The following NIPBL variants were observed in gnomAD, a reference collection of about 807,000 sequenced individuals.
The protein encoded by NIPBL is NIPBL cohesin loading factor.
NIPBL carries 19 observed loss-of-function variants against 321.8 expected under a neutral mutation model. The observed-to-expected ratio is 0.06, with a 90% CI of 0.04 to 0.09. The LOEUF (loss-of-function observed/expected upper bound fraction) is 0.09. NIPBL is among the 10% of genes least tolerant of loss of function. The pLI is 1.00. For missense variants in NIPBL, 2,210 were observed against 3,327.0 expected, an observed-to-expected ratio of 0.66 and a Z score of 8.26; for synonymous variants, 1,106 against 1,114.1, an observed-to-expected ratio of 0.99 and a Z score of 0.14.
chr5:37,020,336 T>C (rs1333959076), intron 25 of NIPBL, 123 bp from the exon 26 acceptor site: 1 of 717,438 alleles, frequency 1.4e-6, no homozygotes. Flanking sequence ...TTTTATCACA[T>C]GGAAGTTGTT....
At chr5:36,995,833 T>C in intron 11 of NIPBL, 29 bp downstream of exon 11, 4 of 1,582,470 alleles carry the variant, frequency 2.5e-6, no homozygotes, top group Non-Finnish European at 2.6e-6. Flanking sequence ...TTTGTTATTA[T>C]TTTAGAGTTT....
intron 10 of NIPBL, among the ~76,000 whole-genome samples, chr5:36,991,687 TTA>T (rs1481868660): frequency 3.3e-5 from 5 of 151,954 alleles, no homozygotes; most frequent in African/African-American, 1.2e-4. Flanking sequence ...TGCTTCTGTG[TTA>T]TATGGGTAGG....
At chr5:36,968,533 A>G (rs1742495807) in intron 6 of NIPBL, among the ~76,000 whole-genome samples, 1 of 152,036 alleles carries the variant, frequency 6.6e-6, no homozygotes, top group Non-Finnish European at 1.5e-5. Flanking sequence ...CGCCTGGGCA[A>G]CTGAGCAAGA....
At position 36,876,838 on chromosome 5, in the gene NIPBL, C is replaced by G. The variant is rs1490595830; in HGVS notation, c.-420C>G. ...CAGGGCTCCTTCCCCCCGCCCTCCC[C>G]CCCCTCCCTCCGTCGGTACCGACTC... is the stretch of plus-strand genomic sequence containing the variant. On this transcript the variant is annotated 5_prime_UTR_variant, in exon 1 of 47. Coordinates refer to ENST00000282516, the MANE Select transcript of NIPBL (RefSeq NM_133433.4). 2 of 348,076 alleles carry G rather than the reference C, an allele frequency of 5.7e-6. No individual in the cohort carries two copies. The highest frequency in any genetic ancestry group is 1.0e-5 in the Non-Finnish European group (2 of 196,976). 21.6% of individuals were successfully genotyped at this position (348,076 alleles called of 1,614,324 possible).
intron 1 of NIPBL, among the ~76,000 whole-genome samples, chr5:36,907,018 G>T (rs1023896127): frequency 2.0e-5 from 3 of 152,164 alleles, no homozygotes; most frequent in African/African-American, 7.2e-5. Flanking sequence ...CTAGTAGAAT[G>T]TGGATTCCGC....
At chr5:36,956,050 T>C (rs1740901250) in intron 3 of NIPBL, among the ~76,000 whole-genome samples, 1 of 147,410 alleles carries the variant, frequency 6.8e-6, no homozygotes, top group Non-Finnish European at 1.5e-5. Flanking sequence ...TGAAACCCCA[T>C]CTCTACTAAA....
chr5:36,906,672 A>G (rs759938672), intron 1 of NIPBL, among the ~76,000 whole-genome samples: 2 of 152,142 alleles, frequency 1.3e-5, no homozygotes, highest in African/African-American at 4.8e-5. Flanking sequence ...CTTTGTTGCA[A>G]TCTGAGCTTT....
chr5:36,947,371 A>G (rs1381744979), intron 1 of NIPBL, among the ~76,000 whole-genome samples: 1 of 152,048 alleles, frequency 6.6e-6, no homozygotes, highest in East Asian at 1.9e-4. Flanking sequence ...CAGTATTCTA[A>G]CAGAACTTTC....
chr5:37,055,371 AAAAG>A (rs1473803207), intron 42 of NIPBL, among the ~76,000 whole-genome samples: 1 of 151,756 alleles, frequency 6.6e-6, no homozygotes, highest in Non-Finnish European at 1.5e-5. Context: ...AAAAAAAAAA[AAAAG>A]AATGGATAGT....
chr5:37,047,470 A>C (rs1346740683), intron 38 of NIPBL, among the ~76,000 whole-genome samples: 1 of 152,158 alleles, frequency 6.6e-6, no homozygotes, highest in Non-Finnish European at 1.5e-5. Context: ...TTTGAAAATT[A>C]CATATAGCAC....
At chr5:36,923,886 T>G (rs1017633527) in intron 1 of NIPBL, among the ~76,000 whole-genome samples, 8 of 152,202 alleles carry the variant, frequency 5.3e-5, no homozygotes, top group African/African-American at 1.9e-4. Context: ...TATAAATGGA[T>G]AGAGCAAGAT....
chr5:36,913,738 CAT>C (rs1477740962), intron 1 of NIPBL, among the ~76,000 whole-genome samples: 9 of 152,252 alleles, frequency 5.9e-5, no homozygotes, highest in African/African-American at 1.9e-4. Context: ...GTATTTATTA[CAT>C]GTTTGTGCTT....
At chr5:36,927,748 A>T (rs1194259004) in intron 1 of NIPBL, among the ~76,000 whole-genome samples, 2 of 152,216 alleles carry the variant, frequency 1.3e-5, no homozygotes, top group Non-Finnish European at 2.9e-5. Flanking sequence ...GGAGATATCA[A>T]ATAGGCAGTT....
intron 42 of NIPBL, 132 bp from the exon 43 acceptor site, chr5:37,057,054 C>A: frequency 1.2e-6 from 1 of 828,242 alleles, no homozygotes; most frequent in Non-Finnish European, 2.0e-6. Flanking sequence ...CCCACTCTCT[C>A]CGTGTGTGTC....
intron 1 of NIPBL, chr5:36,885,937 C>T (rs1745868819): frequency 6.8e-6 from 5 of 736,174 alleles, no homozygotes; most frequent in South Asian, 4.1e-5. Flanking sequence ...CTCAGGACCT[C>T]GCCAAGATCA....
chr5:36,915,260 G>A lies in NIPBL; in HGVS notation c.-80+38082G>A, dbSNP rs185006563. ...TTTAGTAACATGTCTCTAAGATATGGCACTACAATTAATTTCTAATATTAA... is the reference window on the plus strand; with the variant it reads ...TTTAGTAACATGTCTCTAAGATATGACACTACAATTAATTTCTAATATTAA... On this transcript the variant is annotated intron_variant, in intron 1 of 46. Transcript: ENST00000282516. Among the ~76,000 whole-genome samples the A allele has an allele frequency of 5.9e-5, 9 of 152,086 alleles. No individual in the cohort carries two copies. The East Asian group carries it at 1.5e-3, about 26-fold the overall frequency.
chr5:36,996,466 T>C lies in NIPBL; in HGVS notation c.3304+662T>C. 2.2e-6 allele frequency: 1 copy of C among 456,688 alleles called. No individual in the cohort carries two copies. Among genetic ancestry groups the C allele is most frequent in the Non-Finnish European group, 4.4e-6 (1 of 226,942 alleles). The allele number at this position is 456,688 out of a possible 1,614,324, so 28.3% of individuals were successfully genotyped here. A position where few individuals can be genotyped will look rare whatever the true frequency, so the allele number is the denominator to read the frequency against. The stretch of plus-strand genomic sequence containing the variant: ...GGAATTCCTCCCTTGTTTCACTGTT[T>C]TCCAGAGCTGGCTTCTTCACTACAC... On this transcript the variant is annotated intron_variant, in intron 11 of 46. Transcript: ENST00000282516. This position sits in a 1 kb window ranked among gnomAD's most constrained non-coding sequence, Gnocchi z 5.0.
At chr5:36,877,272 C>T (rs1580121708) in intron 1 of NIPBL, 94 bp downstream of exon 1, 1 of 163,300 alleles carries the variant, frequency 6.1e-6, no homozygotes, top group Non-Finnish European at 1.3e-5. Flanking sequence ...CCGCCGTTTC[C>T]TTAGCGGCCC....
intron 11 of NIPBL, 59 bp from the exon 12 acceptor site, chr5:37,000,314 C>T: frequency 6.5e-7 from 1 of 1,527,696 alleles, no homozygotes; most frequent in African/African-American, 1.4e-5. Flanking sequence ...TTGTAAAGTA[C>T]AAGTTTTAAT....
Sources: allele counts gnomAD v4.1 joint callset (sites outside exome capture counted in the v4.1 genomes callset), GRCh38; gene constraint gnomAD v4.1.1; non-coding constraint Gnocchi (gnomAD v3.1); transcripts MANE v1.5; gene names NCBI Gene and HGNC (gene_info 2026-07-23, HGNC 2026-07-21).